The following PDE4D variants were observed in gnomAD, a reference collection of about 807,000 sequenced individuals.
PDE4D encodes 3',5'-cyclic-AMP phosphodiesterase 4D.
Under a neutral mutation model 87.4 loss-of-function variants are expected in PDE4D, and 24 were observed. That is an observed-to-expected ratio of 0.27 (90% CI 0.20 to 0.39). The LOEUF (loss-of-function observed/expected upper bound fraction) is 0.39, where lower values mean the gene tolerates loss of function less well. PDE4D is among the 10% of genes least tolerant of loss of function. The pLI is 1.00. For missense variants in PDE4D, 714 were observed against 1,041.0 expected (o/e 0.69, Z 4.32); for synonymous variants, 384 against 383.2 (o/e 1.00, Z -0.02).
intron 2 of PDE4D, among the ~76,000 whole-genome samples, chr5:60,089,410 A>G (rs1774869092): frequency 6.6e-6 from 1 of 152,084 alleles, no homozygotes; most frequent in African/African-American, 2.4e-5. Flanking sequence ...GTACAAATCC[A>G]TGGAAAGAAA....
intron 1 of PDE4D, chr5:59,768,707 G>C (rs756784290): frequency 1.2e-5 from 16 of 1,319,086 alleles, no homozygotes; most frequent in African/African-American, 3.0e-5. Context: ...CGTATTAAAC[G>C]TCACCCCTCC....
intron 2 of PDE4D, among the ~76,000 whole-genome samples, chr5:60,120,804 A>T (rs1030538981): frequency 1.2e-4 from 18 of 152,304 alleles, no homozygotes; most frequent in Admixed American, 3.9e-4. Context: ...ACCCACTGCG[A>T]TAGTTAACAC....
chr5:60,450,852 TG>T (rs1561271733), intron 1 of PDE4D, among the ~76,000 whole-genome samples: 1 of 152,092 alleles, frequency 6.6e-6, no homozygotes, highest in Non-Finnish European at 1.5e-5. Context: ...TGTCTTTATA[TG>T]GGTATATTAG....
intron 1 of PDE4D, among the ~76,000 whole-genome samples, chr5:59,327,755 G>A (rs1358498976): frequency 1.3e-5 from 2 of 152,098 alleles, no homozygotes; most frequent in African/African-American, 4.8e-5. Context: ...AAGATGATTT[G>A]AAATACTAGA....
intron 1 of PDE4D, among the ~76,000 whole-genome samples, chr5:60,240,836 C>T (rs1391116816): frequency 2.0e-5 from 3 of 152,210 alleles, no homozygotes; most frequent in South Asian, 2.1e-4. Flanking sequence ...GTGGTACCCC[C>T]GATGCAGATA....
At chr5:59,848,740 C>T (rs1397924222) in intron 1 of PDE4D, among the ~76,000 whole-genome samples, 1 of 151,996 alleles carries the variant, frequency 6.6e-6, no homozygotes, top group African/African-American at 2.4e-5. Flanking sequence ...GAAGATAATG[C>T]ATCCATTAGA....
intron 1 of PDE4D, among the ~76,000 whole-genome samples, chr5:60,208,258 G>A (rs1742781203): frequency 1.3e-5 from 2 of 152,160 alleles, no homozygotes; most frequent in African/African-American, 4.8e-5. Flanking sequence ...ATTTTAGATA[G>A]CATGCCCAGA....
At chr5:59,026,561 T>C (rs2968001) in intron 6 of PDE4D, among the ~76,000 whole-genome samples, 2,608 of 152,258 alleles carry the variant, frequency 0.017, 65 homozygotes, top group African/African-American at 0.048. Flanking sequence ...AAAAACACCG[T>C]AGAAGACCTC....
chr5:59,935,669 A>G (rs759436027), intron 3 of PDE4D, among the ~76,000 whole-genome samples: 8 of 152,234 alleles, frequency 5.3e-5, no homozygotes, highest in Non-Finnish European at 1.0e-4. Context: ...CACTATTGCT[A>G]AAACCAACTA....
intron 1 of PDE4D, among the ~76,000 whole-genome samples, chr5:59,506,043 G>T (rs1293546476): frequency 1.3e-5 from 2 of 151,862 alleles, no homozygotes; most frequent in Non-Finnish European, 2.9e-5. Flanking sequence ...TAGATATTCT[G>T]GGAACCGTGA....
intron 1 of PDE4D, among the ~76,000 whole-genome samples, chr5:59,394,183 G>C (rs1788830282): frequency 6.6e-6 from 1 of 152,180 alleles, no homozygotes; most frequent in African/African-American, 2.4e-5. Flanking sequence ...GACAGCAGAT[G>C]GAATTGAGGC....
At position 59,394,412 on chromosome 5, in the gene PDE4D, G is replaced by C. The variant is rs571181655; in HGVS notation, c.456-178444C>G. Reference sequence around the variant, plus strand: ...GTCTTTTTGCTGAAGGGAGGTTTCTGGGCCAAGATGTTCTGACAGCCTGGT... The same window carrying C: ...GTCTTTTTGCTGAAGGGAGGTTTCTCGGCCAAGATGTTCTGACAGCCTGGT... On this transcript the variant is annotated intron_variant, in intron 1 of 14. Transcript: ENST00000340635. Among the ~76,000 whole-genome samples the C allele has an allele frequency of 5.3e-5, 8 of 152,242 alleles. No homozygotes were observed. In the South Asian group the frequency reaches 1.7e-3, roughly 32 times the overall value.
chr5:60,110,678 T>C (rs907557818), intron 2 of PDE4D, among the ~76,000 whole-genome samples: 1 of 152,072 alleles, frequency 6.6e-6, no homozygotes, highest in Admixed American at 6.6e-5. Context: ...AGGAAACCAA[T>C]ATATCAGAGG....
At chr5:59,768,647 T>C (rs372803571) in intron 1 of PDE4D, 2 of 1,516,136 alleles carry the variant, frequency 1.3e-6, no homozygotes, top group African/African-American at 1.4e-5. Flanking sequence ...AGTCTCTCTG[T>C]AGAGCCTGGG....
chr5:60,334,731 A>T (rs569347952), intron 1 of PDE4D, among the ~76,000 whole-genome samples: 1 of 152,024 alleles, frequency 6.6e-6, no homozygotes, highest in East Asian at 1.9e-4. Flanking sequence ...AAAGGGAGGA[A>T]ACTAGTTTTC....
chr5:60,493,920 G>A (rs1489231780), intron 1 of PDE4D, among the ~76,000 whole-genome samples: 2 of 152,042 alleles, frequency 1.3e-5, no homozygotes, highest in South Asian at 4.2e-4. Flanking sequence ...TAGCACTAGA[G>A]GACAAACGAA....
intron 3 of PDE4D, among the ~76,000 whole-genome samples, chr5:59,943,702 C>G (rs1336964430): frequency 1.3e-5 from 2 of 152,146 alleles, no homozygotes; most frequent in Non-Finnish European, 2.9e-5. Flanking sequence ...TGGACCAACC[C>G]AATTGAAAGC....
chr5:60,117,377 ACACATTC>A (rs1778262195), intron 2 of PDE4D, among the ~76,000 whole-genome samples: 1 of 152,146 alleles, frequency 6.6e-6, no homozygotes, highest in East Asian at 1.9e-4. Context: ...TCTATATCAA[ACACATTC>A]CTGATAAACT....
chr5:60,343,177 TGCCTG>T (rs1318631507), intron 1 of PDE4D, among the ~76,000 whole-genome samples: 1 of 152,202 alleles, frequency 6.6e-6, no homozygotes, highest in Non-Finnish European at 1.5e-5. Context: ...CTCCTAAAAC[TGCCTG>T]GATTCTTTAG....
Sources: gnomAD v4.1 joint callset for allele counts (sites outside exome capture counted in the v4.1 genomes callset) on GRCh38, gnomAD v4.1.1 for gene constraint, MANE v1.5 for transcripts, NCBI Gene and HGNC (gene_info 2026-07-23, HGNC 2026-07-21) for gene names.